Variants in ZBTB20 observed in about 807,000 individuals in gnomAD.
ZBTB20 encodes the protein zinc finger and BTB domain-containing protein 20.
Under a neutral mutation model 56.9 loss-of-function variants are expected in ZBTB20, and 9 were observed. The observed-to-expected ratio is 0.16, with a 90% CI of 0.10 to 0.28. ZBTB20 has a LOEUF of 0.28. ZBTB20 is among the 10% of genes least tolerant of loss of function. The probability of loss-of-function intolerance (pLI) is 1.00; values close to 1 mark genes in which losing one functional copy is unlikely to be tolerated. For missense variants in ZBTB20, 655 were observed against 1,003.0 expected (o/e 0.65, Z 4.69); for synonymous variants, 417 against 420.7 (o/e 0.99, Z 0.11).
intron 2 of ZBTB20, among the ~76,000 whole-genome samples, chr3:115,052,197 G>T (rs2081576595): frequency 6.6e-6 from 1 of 152,114 alleles, no homozygotes; most frequent in Non-Finnish European, 1.5e-5. Flanking sequence ...GGTGGCTCAT[G>T]CCTGTAATCC....
chr3:114,372,985 C>T (rs1439329109), intron 10 of ZBTB20, among the ~76,000 whole-genome samples: 2 of 151,972 alleles, frequency 1.3e-5, no homozygotes, highest in Non-Finnish European at 2.9e-5. Flanking sequence ...GGTGCAATCT[C>T]GGCTCACTGC....
chr3:114,443,225 G>T (rs902716551), intron 7 of ZBTB20, among the ~76,000 whole-genome samples: 3 of 152,112 alleles, frequency 2.0e-5, no homozygotes, highest in Non-Finnish European at 4.4e-5. Context: ...ATACACAATT[G>T]GCTTATAACA....
chr3:114,929,086 A>C (rs144821533), intron 3 of ZBTB20, among the ~76,000 whole-genome samples: 6 of 152,362 alleles, frequency 3.9e-5, no homozygotes, highest in African/African-American at 1.2e-4. Flanking sequence ...AATATAATGC[A>C]TTGCAGGAAG....
intron 3 of ZBTB20, among the ~76,000 whole-genome samples, chr3:114,948,321 G>A (rs1196086250): frequency 6.9e-6 from 1 of 144,912 alleles, no homozygotes; most frequent in Non-Finnish European, 1.5e-5. Flanking sequence ...ATTCTCTAGT[G>A]GATACAGGAA....
rs867612100 is a variant in ZBTB20, at chr3:114,810,728, G to A, written c.-416-9554C>T. ...TTATGCCATATGCCATTTCTTCAGC[G>A]AATGACCACTGCCTAATTCTTTTCT... On this transcript the variant is annotated intron_variant, in intron 4 of 11. Coordinates refer to ENST00000675478, the MANE Select transcript of ZBTB20 (RefSeq NM_001348800.3). Among the ~76,000 whole-genome samples the A allele has an allele frequency of 2.0e-5, 3 of 152,072 alleles. No individual in the cohort carries two copies. The South Asian group carries it at 6.2e-4, about 32-fold the overall frequency.
chr3:115,021,916 G>T (rs939845949), intron 2 of ZBTB20, among the ~76,000 whole-genome samples: 1 of 150,594 alleles, frequency 6.6e-6, no homozygotes, highest in South Asian at 2.1e-4. Flanking sequence ...GCTATTCCAG[G>T]TAGGATAAAT....
Position 114,326,883 on chromosome 3 carries a change from C to T in ZBTB20, c.*12122G>A, listed in dbSNP as rs1292149988. 1.3e-5 allele frequency: 2 copies of T among 152,044 alleles called. No homozygotes were observed. Among genetic ancestry groups the T allele is most frequent in the East Asian group, 1.9e-4 (1 of 5,190 alleles). The allele number at this position is 152,044 out of a possible 1,614,324, so 9.4% of individuals were successfully genotyped here. On this transcript the variant is annotated 3_prime_UTR_variant, in exon 12 of 12. Transcript: ENST00000675478. ...CCTCAATCTCAGAACATTTCCTAAG[C>T]TATATTTGTAAATTCTAGAGCTACA...
rs571101546 is a variant in ZBTB20 at position 114,384,194 on chromosome 3, G to C, written c.-153-3254C>G. ...TCCAACCCCTTCCTCCTCTCTCTCT[G>C]TTAAAATTATACACTCTGATGAAGT... On this transcript the variant is annotated intron_variant, in intron 8 of 11. Coordinates refer to ENST00000675478, the MANE Select transcript of ZBTB20 (RefSeq NM_001348800.3). Among the ~76,000 whole-genome samples, 13 of 143,948 alleles carry C rather than the reference G, an allele frequency of 9.0e-5. 1 individual carries two copies. The East Asian group carries it at 1.6e-3, about 18-fold the overall frequency. 94.4% of individuals were successfully genotyped at this position (143,948 alleles called of 152,430 possible).
rs1158613190 is a variant in ZBTB20, at chr3:114,328,614, C to G, written c.*10391G>C. The stretch of plus-strand genomic sequence containing the variant: ...CATTTAAAACTGTGACTCAGGTCCT[C>G]CCACTCTCAAAAGAATATTGATAAC... On this transcript the variant is annotated 3_prime_UTR_variant, in exon 12 of 12. Coordinates refer to ENST00000675478, the MANE Select transcript of ZBTB20 (RefSeq NM_001348800.3). 6.6e-6 allele frequency: 1 copy of G among 152,260 alleles called. No individual in the cohort carries two copies. The highest frequency in any genetic ancestry group is 1.9e-4 in the East Asian group (1 of 5,186). 9.4% of individuals were successfully genotyped at this position (152,260 alleles called of 1,614,324 possible).
chr3:114,829,793 A>G (rs1456880309), intron 4 of ZBTB20, among the ~76,000 whole-genome samples: 1 of 151,880 alleles, frequency 6.6e-6, no homozygotes, highest in African/African-American at 2.4e-5. Flanking sequence ...CAGAGTCCCC[A>G]GTTCCTAATC....
chr3:114,413,347 T>C (rs1457675655), intron 7 of ZBTB20, among the ~76,000 whole-genome samples: 2 of 152,084 alleles, frequency 1.3e-5, no homozygotes, highest in Non-Finnish European at 2.9e-5. Flanking sequence ...AAGAACTACT[T>C]TACACAGTAG....
At chr3:114,410,167 A>G (rs2087788609) in intron 7 of ZBTB20, among the ~76,000 whole-genome samples, 1 of 152,154 alleles carries the variant, frequency 6.6e-6, no homozygotes, top group South Asian at 2.1e-4. Context: ...ATGCCAGGAC[A>G]TGGGAAGTGG....
At chr3:114,588,148 T>C (rs547207404) in intron 6 of ZBTB20, among the ~76,000 whole-genome samples, 1 of 152,100 alleles carries the variant, frequency 6.6e-6, no homozygotes, top group South Asian at 2.1e-4. Context: ...CTGTTTTAGG[T>C]GGGGGAAGGG....
chr3:115,049,521 T>C (rs944808608), intron 2 of ZBTB20, among the ~76,000 whole-genome samples: 1 of 152,186 alleles, frequency 6.6e-6, no homozygotes, highest in African/African-American at 2.4e-5. Context: ...ATACCTTATA[T>C]ACGTAGCCTT....
In ZBTB20 at chr3:114,942,636, A is replaced by G. The variant is rs980421713; in HGVS notation, c.-456+31730T>C. Reference sequence around the variant, plus strand: ...TGAGAAAAACTATTAAAGATGAATAAAATGAAATTATTTTAAAAACTGTTT... The same window carrying G: ...TGAGAAAAACTATTAAAGATGAATAGAATGAAATTATTTTAAAAACTGTTT... On this transcript the variant is annotated intron_variant, in intron 3 of 11. Coordinates refer to ENST00000675478, the MANE Select transcript of ZBTB20 (RefSeq NM_001348800.3). Among the ~76,000 whole-genome samples the G allele has an allele frequency of 6.9e-5, 10 of 145,950 alleles. 3 individuals are homozygous for G. Among genetic ancestry groups the G allele is most frequent in the African/African-American group, 2.5e-4 (9 of 35,910 alleles).
At chr3:114,427,193 C>T (rs921616234) in intron 7 of ZBTB20, among the ~76,000 whole-genome samples, 2 of 152,204 alleles carry the variant, frequency 1.3e-5, no homozygotes, top group Admixed American at 6.5e-5. Context: ...TGAGAGTTTC[C>T]CAAATTTCTC....
At chr3:114,482,587 A>G (rs1373727698) in intron 7 of ZBTB20, among the ~76,000 whole-genome samples, 2 of 152,144 alleles carry the variant, frequency 1.3e-5, no homozygotes, top group African/African-American at 4.8e-5. Flanking sequence ...GGTTTAAAAT[A>G]TTTTTATTCA....
intron 1 of ZBTB20, among the ~76,000 whole-genome samples, chr3:115,146,786 C>A (rs932246015): frequency 6.6e-6 from 1 of 152,122 alleles, no homozygotes; most frequent in Non-Finnish European, 1.5e-5. Context: ...TGAGCCCCGG[C>A]TAGTCCCCCT....
intron 5 of ZBTB20, among the ~76,000 whole-genome samples, chr3:114,698,667 T>C (rs2063206922): frequency 6.6e-6 from 1 of 152,132 alleles, no homozygotes; most frequent in South Asian, 2.1e-4. Context: ...TCCCTCAATG[T>C]GTGTTTGCAA....
Sources: allele counts gnomAD v4.1 joint callset (sites outside exome capture counted in the v4.1 genomes callset), GRCh38; gene constraint gnomAD v4.1.1; transcripts MANE v1.5; gene names NCBI Gene and HGNC (gene_info 2026-07-23, HGNC 2026-07-21).